Variants in HSD17B4 observed in about 807,000 individuals in gnomAD.
HSD17B4 encodes peroxisomal multifunctional enzyme type 2.
HSD17B4 carries 70 observed loss-of-function variants against 101.0 expected under a neutral mutation model. The observed-to-expected ratio is 0.69, with a 90% CI of 0.57 to 0.85. The LOEUF is 0.85. Ranked by LOEUF, HSD17B4 falls within the 40% of genes least tolerant of loss-of-function variation. HSD17B4 has a pLI of 0.00. For synonymous variants in HSD17B4, 347 were observed against 297.1 expected, an observed-to-expected ratio of 1.17 and a Z score of -1.73; for missense variants, 984 against 892.4, an observed-to-expected ratio of 1.10 and a Z score of -1.31.
At chr5:119,517,983 A>G (rs914976348) in intron 17 of HSD17B4, among the ~76,000 whole-genome samples, 3 of 152,136 alleles carry the variant, frequency 2.0e-5, no homozygotes, top group African/African-American at 7.2e-5. Context: ...AGGGATTGTA[A>G]ACGCACCAAT....
chr5:119,479,235 C>CT (rs1748887297), intron 8 of HSD17B4, among the ~76,000 whole-genome samples: 1 of 151,858 alleles, frequency 6.6e-6, no homozygotes, highest in African/African-American at 2.4e-5. Flanking sequence ...TCGATAAAAA[C>CT]TTTCATTCTT....
At chr5:119,456,251 T>G (rs111758668) in intron 1 of HSD17B4, 64 bp from the exon 2 acceptor site, 10 of 1,030,882 alleles carry the variant, frequency 9.7e-6, no homozygotes, top group African/African-American at 4.7e-5. Context: ...GGGATTGAGT[T>G]GAGCGGACCA....
At chr5:119,473,747 A>G (rs1445965468) in intron 2 of HSD17B4, among the ~76,000 whole-genome samples, 161 bp from the exon 3 acceptor site, 3 of 152,166 alleles carry the variant, frequency 2.0e-5, no homozygotes, top group Non-Finnish European at 4.4e-5. Context: ...TGTTTTGAAA[A>G]TGGCTGTGTT....
chr5:119,502,542 A>C (rs565265239), intron 14 of HSD17B4, among the ~76,000 whole-genome samples: 1 of 152,036 alleles, frequency 6.6e-6, no homozygotes, highest in South Asian at 2.1e-4. Context: ...GTCTTTAATA[A>C]TCATTTTTAC....
At chr5:119,540,792 G>A (rs920115984) in intron 23 of HSD17B4, among the ~76,000 whole-genome samples, 1 of 152,160 alleles carries the variant, frequency 6.6e-6, no homozygotes, top group Non-Finnish European at 1.5e-5. Context: ...GCATTGCTGA[G>A]CAAAGAACAC....
At chr5:119,498,248 A>G (rs769673470) in intron 12 of HSD17B4, among the ~76,000 whole-genome samples, 17 of 152,220 alleles carry the variant, frequency 1.1e-4, no homozygotes, top group Non-Finnish European at 2.2e-4. Context: ...CAGTATAGAA[A>G]TGTGATTTTT....
chr5:119,483,283 A>G (rs890125952), intron 8 of HSD17B4, among the ~76,000 whole-genome samples: 23 of 152,126 alleles, frequency 1.5e-4, no homozygotes, highest in African/African-American at 5.5e-4. Context: ...CTTCTATCTC[A>G]GTAAGCTGGG....
At chr5:119,461,656 A>G (rs1755249456) in intron 2 of HSD17B4, among the ~76,000 whole-genome samples, 1 of 148,944 alleles carries the variant, frequency 6.7e-6, no homozygotes, top group African/African-American at 2.5e-5. Context: ...CTGAGGCAGG[A>G]GGATTGCTTG....
chr5:119,520,631 G>A (rs1179935394), intron 17 of HSD17B4, among the ~76,000 whole-genome samples: 1 of 152,150 alleles, frequency 6.6e-6, no homozygotes, highest in Admixed American at 6.5e-5. Context: ...GTAAAGAATT[G>A]TAGTCCTGCA....
intron 23 of HSD17B4, among the ~76,000 whole-genome samples, chr5:119,539,152 T>C (rs1754769206): frequency 6.6e-6 from 1 of 152,152 alleles, no homozygotes; most frequent in Non-Finnish European, 1.5e-5. Context: ...CTAAAAATTC[T>C]GGAAAGCACT....
At chr5:119,528,893 C>A (rs1753824326) in intron 20 of HSD17B4, among the ~76,000 whole-genome samples, 1 of 151,946 alleles carries the variant, frequency 6.6e-6, no homozygotes, top group South Asian at 2.1e-4. Context: ...CTCTCCCTGC[C>A]TCCTTTTCTC....
intron 1 of HSD17B4, among the ~76,000 whole-genome samples, chr5:119,455,566 C>CTATATATATATATATATATATA (rs145606093): frequency 8.3e-6 from 1 of 120,010 alleles, no homozygotes; most frequent in African/African-American, 3.0e-5. Flanking sequence ...CTCTCTCTCT[C>CTATATATATATATATATATATA]TCTATATATA....
rs1754502270 is a variant in HSD17B4, at chr5:119,536,023, T to TA, written c.1994-397dup. The TA allele has an allele frequency of 4.5e-5, 11 of 243,626 alleles. 1 individual carries two copies. In the South Asian group the frequency reaches 5.5e-4, roughly 12 times the overall value. The allele number at this position is 243,626 out of a possible 1,614,324, so 15.1% of individuals were successfully genotyped here. ...ACTCTTTCAGAAGCTTAGTTATTAATAAATACAGAGCTAAAAATCAACAGT... is the reference window on the plus strand; with the variant it reads ...ACTCTTTCAGAAGCTTAGTTATTAATAAAATACAGAGCTAAAAATCAACAGT... On this transcript the variant is annotated intron_variant, in intron 22 of 23. Transcript: ENST00000510025.
At chr5:119,491,645 T>G (rs1397991864) in intron 9 of HSD17B4, among the ~76,000 whole-genome samples, 1 of 152,154 alleles carries the variant, frequency 6.6e-6, no homozygotes, top group African/African-American at 2.4e-5. Context: ...TTGGCTTTGG[T>G]TTTCTTTGTA....
Position 119,542,184 on chromosome 5 carries a change from A to G in HSD17B4, c.*190A>G, listed in dbSNP as rs35520682. ...TGTATCATTATTTTTACAAGGAACTATATATAAGCTAGCACATAATTATCC... is the reference window on the plus strand; with the variant it reads ...TGTATCATTATTTTTACAAGGAACTGTATATAAGCTAGCACATAATTATCC... On this transcript the variant is annotated 3_prime_UTR_variant, in exon 24 of 24. Transcript: ENST00000510025. 9.0e-6 allele frequency: 5 copies of G among 555,548 alleles called. No individual in the cohort carries two copies. Among genetic ancestry groups the G allele is most frequent in the Admixed American group, 8.4e-5 (3 of 35,598 alleles). The allele number at this position is 555,548 out of a possible 1,614,324, so 34.4% of individuals were successfully genotyped here.
intron 16 of HSD17B4, among the ~76,000 whole-genome samples, chr5:119,512,427 G>T (rs1752258642): frequency 6.6e-6 from 1 of 152,176 alleles, no homozygotes; most frequent in East Asian, 1.9e-4. Flanking sequence ...AAACGAAAAG[G>T]TTGAAAATAA....
chr5:119,536,740 C>T (rs1288027048), intron 23 of HSD17B4, among the ~76,000 whole-genome samples, 190 bp downstream of exon 23: 1 of 152,076 alleles, frequency 6.6e-6, no homozygotes, highest in East Asian at 1.9e-4. Flanking sequence ...TCACCTGACA[C>T]TTTTTAAGAC....
chr5:119,508,226 A>G (rs1751839226), intron 15 of HSD17B4, among the ~76,000 whole-genome samples: 1 of 115,566 alleles, frequency 8.7e-6, no homozygotes, highest in African/African-American at 2.9e-5. Flanking sequence ...CAAATGTAAC[A>G]TACCAAAAAA....
At chr5:119,523,510 A>G (rs527244289) in intron 17 of HSD17B4, among the ~76,000 whole-genome samples, 18 of 152,244 alleles carry the variant, frequency 1.2e-4, no homozygotes, top group African/African-American at 3.6e-4. Context: ...TCAAACATCT[A>G]GTCAGTTGGC....
Sources: allele counts gnomAD v4.1 joint callset (sites outside exome capture counted in the v4.1 genomes callset), GRCh38; gene constraint gnomAD v4.1.1; transcripts MANE v1.5; gene names NCBI Gene and HGNC (gene_info 2026-07-23, HGNC 2026-07-21).